AP3M1: variants seen among roughly 807,000 people sequenced by gnomAD.
AP3M1 encodes adaptor related protein complex 3 subunit mu 1, also known as AP-3 complex subunit mu-1.
In AP3M1, 29 loss-of-function variants were observed where a neutral mutation model predicts 42.6. The ratio of observed to expected loss-of-function variants is 0.68; its 90% CI spans 0.51 to 0.93. The LOEUF (loss-of-function observed/expected upper bound fraction) is 0.93, where lower values mean the gene tolerates loss of function less well. Ranked by LOEUF, AP3M1 falls within the 40% of genes least tolerant of loss-of-function variation. The pLI is 0.00. For synonymous variants in AP3M1, 178 were observed against 175.3 expected (o/e 1.02, Z -0.12); for missense variants, 416 against 510.2 (o/e 0.82, Z 1.78).
chr10:74,127,146 T>C (rs1840643208), intron 6 of AP3M1, among the ~76,000 whole-genome samples: 1 of 151,978 alleles, frequency 6.6e-6, no homozygotes, highest in African/African-American at 2.4e-5. Flanking sequence ...TATATGCAAA[T>C]ACTACACCAT....
At chr10:74,143,042 T>C (rs1476030658) in intron 1 of AP3M1, among the ~76,000 whole-genome samples, 2 of 152,208 alleles carry the variant, frequency 1.3e-5, no homozygotes, top group Non-Finnish European at 2.9e-5. Flanking sequence ...AATTAATCTT[T>C]TGGCCCCATT....
chr10:74,129,347 G>T, intron 5 of AP3M1, 106 bp from the exon 6 acceptor site: 1 of 1,142,326 alleles, frequency 8.8e-7, no homozygotes, highest in Non-Finnish European at 1.2e-6. Flanking sequence ...AGTCATGGAA[G>T]AGTTTATGAC....
intron 4 of AP3M1, among the ~76,000 whole-genome samples, chr10:74,131,554 C>CT (rs560842008): frequency 1.4e-4 from 21 of 151,106 alleles, no homozygotes; most frequent in African/African-American, 2.9e-4. Context: ...AAAGATATCT[C>CT]TTTTTTTTTA....
Position 74,123,520 on chromosome 10 carries a change from T to A in AP3M1, c.*290A>T, listed in dbSNP as rs1033102565. 1.2e-5 allele frequency: 5 copies of A among 425,062 alleles called. No individual in the cohort carries two copies. Among genetic ancestry groups the A allele is most frequent in the African/African-American group, 4.0e-5 (2 of 49,422 alleles). 26.3% of individuals were successfully genotyped at this position (425,062 alleles called of 1,614,324 possible). A position where few individuals can be genotyped will look rare whatever the true frequency, so the allele number is the denominator to read the frequency against. ...GAGGTTATCACTACAGCTTTCTGCC[T>A]TTACTGTTACAATGTGCAGCCGCCA... On this transcript the variant is annotated 3_prime_UTR_variant, in exon 9 of 9. Coordinates refer to ENST00000355264, the MANE Select transcript of AP3M1 (RefSeq NM_012095.6).
intron 2 of AP3M1, 139 bp from the exon 3 acceptor site, chr10:74,136,942 G>A (rs1433041837): frequency 1.1e-5 from 6 of 530,882 alleles, no homozygotes; most frequent in Non-Finnish European, 1.5e-5. Flanking sequence ...CAGAGCGGGG[G>A]AAAAAACCCT....
At chr10:74,147,760 G>A (rs761925956) in intron 1 of AP3M1, among the ~76,000 whole-genome samples, 38 of 152,152 alleles carry the variant, frequency 2.5e-4, no homozygotes, top group Non-Finnish European at 5.1e-4. Flanking sequence ...CAGCACTTTG[G>A]GAGGCTGAGG....
At chr10:74,127,041 C>G (rs910088632) in intron 6 of AP3M1, among the ~76,000 whole-genome samples, 12 of 131,036 alleles carry the variant, frequency 9.2e-5, no homozygotes, top group Non-Finnish European at 1.8e-4. Flanking sequence ...AATAAAAAGT[C>G]AACATGGTAT....
At chr10:74,139,643 C>T (rs1459362433) in intron 1 of AP3M1, among the ~76,000 whole-genome samples, 4 of 150,694 alleles carry the variant, frequency 2.7e-5, no homozygotes, top group African/African-American at 7.3e-5. Context: ...AAAGGCCAGG[C>T]GCGGTGGCTC....
chr10:74,140,532 T>C (rs1841112315), intron 1 of AP3M1, among the ~76,000 whole-genome samples: 1 of 152,008 alleles, frequency 6.6e-6, no homozygotes, highest in African/African-American at 2.4e-5. Flanking sequence ...TCTGATTTAC[T>C]ATGAAACAAG....
chr10:74,143,643 A>G (rs1264236115), intron 1 of AP3M1, among the ~76,000 whole-genome samples: 3 of 152,210 alleles, frequency 2.0e-5, no homozygotes, highest in African/African-American at 4.8e-5. Flanking sequence ...TCACAATGCT[A>G]CACCATAAAT....
chr10:74,145,713 CTG>C (rs1299678862), intron 1 of AP3M1, among the ~76,000 whole-genome samples: 1 of 152,172 alleles, frequency 6.6e-6, no homozygotes, highest in African/African-American at 2.4e-5. Context: ...CTAGAAGAAA[CTG>C]TGTTCAGAGG....
At position 74,120,882 on chromosome 10, in the gene AP3M1, C is replaced by G. The variant is rs1347517799; in HGVS notation, c.*2928G>C. ...ATAAATAGGGTTTTCAGGGATCCACCAGGGCTATAAAACAGAGTTAGCTTT... is the reference window on the plus strand; with the variant it reads ...ATAAATAGGGTTTTCAGGGATCCACGAGGGCTATAAAACAGAGTTAGCTTT... On this transcript the variant is annotated 3_prime_UTR_variant, in exon 9 of 9. Transcript: ENST00000355264. 1 of 152,164 alleles carries G rather than the reference C, an allele frequency of 6.6e-6. No homozygotes were observed. The highest frequency in any genetic ancestry group is 1.9e-4 in the East Asian group (1 of 5,200). The allele number at this position is 152,164 out of a possible 1,614,324, so 9.4% of individuals were successfully genotyped here. A position where few individuals can be genotyped will look rare whatever the true frequency, so the allele number is the denominator to read the frequency against.
At position 74,148,877 on chromosome 10, in the gene AP3M1, G is replaced by GT. The variant is rs1361042773; in HGVS notation, c.-4+1877dup. On this transcript the variant is annotated intron_variant, in intron 1 of 8. Transcript: ENST00000355264. ...CCATCTGCCCATAGTATATTGGTTTGTTTTTTTTTTTTTTGAGACGGAGTC... is the reference window on the plus strand; with the variant it reads ...CCATCTGCCCATAGTATATTGGTTTGTTTTTTTTTTTTTTTGAGACGGAGTC... Among the ~76,000 whole-genome samples the GT allele has an allele frequency of 6.7e-3, 922 of 138,560 alleles. 1 individual carries two copies. Among genetic ancestry groups the GT allele is most frequent in the Middle Eastern group, 0.032 (8 of 252 alleles). 90.9% of individuals were successfully genotyped at this position (138,560 alleles called of 152,430 possible).
At chr10:74,148,753 C>T (rs1331341130) in intron 1 of AP3M1, among the ~76,000 whole-genome samples, 2 of 151,916 alleles carry the variant, frequency 1.3e-5, no homozygotes, top group African/African-American at 4.8e-5. Context: ...GATGGAGTCT[C>T]GCTATGTTGC....
At chr10:74,145,342 C>T (rs1342240774) in intron 1 of AP3M1, among the ~76,000 whole-genome samples, 1 of 152,158 alleles carries the variant, frequency 6.6e-6, no homozygotes, top group East Asian at 1.9e-4. Context: ...TTAAACCAGC[C>T]TCCTAGATTT....
intron 4 of AP3M1, 65 bp downstream of exon 4, chr10:74,133,961 AG>A: frequency 6.3e-7 from 1 of 1,586,372 alleles, no homozygotes; most frequent in Non-Finnish European, 8.6e-7. Flanking sequence ...CCAGGACTTC[AG>A]TTTTCTATTC....
intron 6 of AP3M1, among the ~76,000 whole-genome samples, chr10:74,127,265 C>A (rs1289996323): frequency 1.3e-5 from 2 of 152,074 alleles, no homozygotes; most frequent in East Asian, 1.9e-4. Flanking sequence ...CAAGGGGGAG[C>A]TGAGTACAGC....
At chr10:74,144,932 G>A (rs1333152439) in intron 1 of AP3M1, among the ~76,000 whole-genome samples, 1 of 152,160 alleles carries the variant, frequency 6.6e-6, no homozygotes, top group Non-Finnish European at 1.5e-5. Flanking sequence ...AAAGTGCTGA[G>A]ATTACAGGCA....
intron 7 of AP3M1, 88 bp downstream of exon 7, chr10:74,126,060 G>T (rs1840604518): frequency 7.2e-7 from 1 of 1,396,868 alleles, no homozygotes; most frequent in Admixed American, 1.7e-5. Flanking sequence ...TTTAAACAAG[G>T]TGCCAAACCT....
Sources: allele counts gnomAD v4.1 joint callset (sites outside exome capture counted in the v4.1 genomes callset), GRCh38; gene constraint gnomAD v4.1.1; transcripts MANE v1.5; gene names NCBI Gene and HGNC (gene_info 2026-07-23, HGNC 2026-07-21).